Variants in FAM83B observed in about 807,000 individuals in gnomAD.
The protein encoded by FAM83B is protein FAM83B.
Under a neutral mutation model 38.8 loss-of-function variants are expected in FAM83B, and 26 were observed. The ratio of observed to expected loss-of-function variants is 0.67; its 90% CI spans 0.49 to 0.93. The LOEUF (loss-of-function observed/expected upper bound fraction) is 0.93. FAM83B is among the 40% of genes least tolerant of loss of function. The pLI, the probability that FAM83B is intolerant of heterozygous loss-of-function variation, is 0.00. For synonymous variants in FAM83B, 419 were observed against 423.1 expected (o/e 0.99, Z 0.12); for missense variants, 1,237 against 1,197.3 (o/e 1.03, Z -0.49).
At position 54,941,744 on chromosome 6, in the gene FAM83B, C is replaced by A; in HGVS notation, c.2773C>A (p.Arg925=). The A allele has an allele frequency of 1.2e-6, 2 of 1,614,112 alleles. No homozygotes were observed. Among genetic ancestry groups the A allele is most frequent in the Non-Finnish European group, 1.7e-6 (2 of 1,180,022 alleles). ...SPRPTSSELL[R]SHSTDRRVYS... Reference sequence around the variant, plus strand: ...AAGGCCAACGTCCAGTGAGCTTCTACGATCTCATTCAACTGATCGGCGTGT... The same window carrying A: ...AAGGCCAACGTCCAGTGAGCTTCTAAGATCTCATTCAACTGATCGGCGTGT... The change falls in exon 5 of 5, where the codon CGA becomes AGA. Residue 925 remains arginine, a synonymous_variant. Coordinates refer to ENST00000306858, the MANE Select transcript of FAM83B (RefSeq NM_001010872.3).
chr6:54,860,043 T>TTGTGTGTG (rs61235878), intron 1 of FAM83B, among the ~76,000 whole-genome samples: 1 of 150,496 alleles, frequency 6.6e-6, no homozygotes, highest in Non-Finnish European at 1.5e-5. Flanking sequence ...ACCACCCTCA[T>TTGTGTGTG]TGTGTGTGTG....
intron 1 of FAM83B, among the ~76,000 whole-genome samples, chr6:54,851,388 T>C (rs1771283737): frequency 6.6e-6 from 1 of 152,092 alleles, no homozygotes; most frequent in Admixed American, 6.6e-5. Context: ...TTCTTTCTCA[T>C]CTCCCATTTC....
chr6:54,933,212 C>A (rs975122555), intron 4 of FAM83B, among the ~76,000 whole-genome samples: 10 of 150,522 alleles, frequency 6.6e-5, no homozygotes, highest in African/African-American at 2.4e-4. Flanking sequence ...TTCATTATTT[C>A]TTCTGCCTGA....
chr6:54,890,466 A>AAGCTT (rs1350407992), intron 2 of FAM83B, among the ~76,000 whole-genome samples: 1 of 152,052 alleles, frequency 6.6e-6, no homozygotes, highest in Non-Finnish European at 1.5e-5. Flanking sequence ...AGATTTCCCA[A>AAGCTT]AGCTTAGTTT....
At chr6:54,921,328 T>C (rs930230793) in intron 2 of FAM83B, among the ~76,000 whole-genome samples, 3 of 151,918 alleles carry the variant, frequency 2.0e-5, no homozygotes, top group African/African-American at 7.2e-5. Flanking sequence ...AAAATATCCA[T>C]TGACTATATA....
At chr6:54,927,659 GT>G in intron 4 of FAM83B, 27 bp downstream of exon 4, 1 of 1,287,946 alleles carries the variant, frequency 7.8e-7, no homozygotes, top group Non-Finnish European at 1.0e-6. Context: ...TAACTTCAGT[GT>G]TATCAATCGT....
At position 54,941,011 on chromosome 6, in the gene FAM83B, T is replaced by A; in HGVS notation, c.2040T>A (p.Ser680Arg). 1 of 1,613,994 alleles carries A rather than the reference T, an allele frequency of 6.2e-7. No homozygotes were observed. Among genetic ancestry groups the A allele is most frequent in the South Asian group, 1.1e-5 (1 of 91,048 alleles). Residue 680 changes from serine to arginine, a missense_variant, in exon 5 of 5, where the codon AGT becomes AGA. By Grantham distance (110) the Ser-to-Arg change is moderately radical. Coordinates refer to ENST00000306858, the MANE Select transcript of FAM83B (RefSeq NM_001010872.3). ...NSKANLDPGN[S>R]KHYVYSTLTR... ...AAGCCAACTTAGATCCTGGAAATAG[T>A]AAGCATTATGTATATAGTACACTTA...
chr6:54,898,410 A>G (rs1772585860), intron 2 of FAM83B, among the ~76,000 whole-genome samples: 1 of 152,168 alleles, frequency 6.6e-6, no homozygotes, highest in Non-Finnish European at 1.5e-5. Flanking sequence ...AGAAATGAAG[A>G]TGGCTGGTCT....
At chr6:54,863,206 C>A (rs115196539) in intron 1 of FAM83B, among the ~76,000 whole-genome samples, 2,502 of 152,246 alleles carry the variant, frequency 0.016, 64 homozygotes, top group African/African-American at 0.056. Context: ...CTTAATTATG[C>A]ACATAAAGAG....
chr6:54,878,103 G>A (rs1772041626), intron 2 of FAM83B, among the ~76,000 whole-genome samples: 1 of 152,226 alleles, frequency 6.6e-6, no homozygotes, highest in Non-Finnish European at 1.5e-5. Flanking sequence ...AGGTAAATTT[G>A]AAGCAGGAAG....
intron 4 of FAM83B, among the ~76,000 whole-genome samples, chr6:54,935,465 G>A (rs902948867): frequency 4.6e-5 from 7 of 152,040 alleles, no homozygotes; most frequent in African/African-American, 1.7e-4. Context: ...TATTGAAGAG[G>A]GAACAATAGA....
intron 4 of FAM83B, among the ~76,000 whole-genome samples, chr6:54,932,730 T>A (rs887046889): frequency 1.3e-5 from 2 of 152,138 alleles, no homozygotes; most frequent in African/African-American, 4.8e-5. Flanking sequence ...ACAGTTTTGC[T>A]GGATTTTTGG....
intron 3 of FAM83B, 84 bp from the exon 4 acceptor site, chr6:54,927,424 G>T (rs1773319001): frequency 8.1e-6 from 9 of 1,116,396 alleles, no homozygotes; most frequent in Admixed American, 5.9e-5. Context: ...TTTATATTAA[G>T]ATTCTATCAT....
intron 1 of FAM83B, among the ~76,000 whole-genome samples, chr6:54,863,034 G>A (rs984534578): frequency 8.5e-5 from 13 of 152,252 alleles, no homozygotes; most frequent in Middle Eastern, 3.4e-3. Context: ...TTGTCACTCT[G>A]GTGTAGGAAA....
intron 2 of FAM83B, among the ~76,000 whole-genome samples, chr6:54,904,704 A>G (rs1034085276): frequency 2.6e-5 from 4 of 152,248 alleles, no homozygotes; most frequent in Non-Finnish European, 4.4e-5. Context: ...AGTAGATGAC[A>G]TTAGGACTAG....
chr6:54,941,822 A>C lies in FAM83B; in HGVS notation c.2851A>C (p.Ser951Arg). Residue 951 changes from serine (S) to arginine (R), a missense_variant, in exon 5 of 5, where the codon AGC becomes CGC. By Grantham distance (110) the Ser-to-Arg change is moderately radical (BLOSUM62 -1). Coordinates refer to ENST00000306858, the MANE Select transcript of FAM83B (RefSeq NM_001010872.3). ...CKIESSIQPT[S>R]NMPNTSINRP... is the part of the protein sequence containing the mutation. Reference sequence around the variant, plus strand: ...GATTGAGAGCTCTATTCAGCCAACAAGCAACATGCCAAATACCAGTATAAA... The same window carrying C: ...GATTGAGAGCTCTATTCAGCCAACACGCAACATGCCAAATACCAGTATAAA... The C allele has an allele frequency of 6.2e-7, 1 of 1,614,140 alleles. No homozygotes were observed. Among genetic ancestry groups the C allele is most frequent in the East Asian group, 2.2e-5 (1 of 44,874 alleles).
At chr6:54,867,103 C>G (rs1422914214) in intron 1 of FAM83B, among the ~76,000 whole-genome samples, 1 of 150,638 alleles carries the variant, frequency 6.6e-6, no homozygotes, top group African/African-American at 2.4e-5. Context: ...TTTCTCTACT[C>G]ATTAACTCTA....
At chr6:54,936,198 G>A (rs1439233586) in intron 4 of FAM83B, among the ~76,000 whole-genome samples, 2 of 152,204 alleles carry the variant, frequency 1.3e-5, no homozygotes, top group African/African-American at 4.8e-5. Context: ...ATGTCTTCCT[G>A]TTGCCTGAAA....
Position 54,885,170 on chromosome 6 carries a change from AT to A in FAM83B, c.444+14481del, listed in dbSNP as rs373277663. On this transcript the variant is annotated intron_variant, in intron 2 of 4. Coordinates refer to ENST00000306858, the MANE Select transcript of FAM83B (RefSeq NM_001010872.3). ...ATCTTGTCAACTTTCCAAAAAAAAAATAATGTTGGGATTTTGATTGGGATTT... is the reference window on the plus strand; with the variant it reads ...ATCTTGTCAACTTTCCAAAAAAAAAAAATGTTGGGATTTTGATTGGGATTT... 1.7e-3 allele frequency among the ~76,000 whole-genome samples: 261 copies of A among 152,242 alleles called. 1 individual carries two copies. The highest frequency in any genetic ancestry group is 5.7e-3 in the African/African-American group (237 of 41,556).
Sources: allele counts gnomAD v4.1 joint callset (sites outside exome capture counted in the v4.1 genomes callset), GRCh38; gene constraint gnomAD v4.1.1; transcripts MANE v1.5; gene names NCBI Gene and HGNC (gene_info 2026-07-23, HGNC 2026-07-21).